USP10: variants seen among roughly 807,000 people sequenced by gnomAD.
The protein encoded by USP10 is ubiquitin specific peptidase 10.
Under a neutral mutation model 84.5 loss-of-function variants are expected in USP10, and 22 were observed. The observed-to-expected ratio is 0.26, with a 90% CI of 0.19 to 0.37. The LOEUF is 0.37. Ranked by LOEUF, USP10 falls within the 10% of genes least tolerant of loss-of-function variation. USP10 has a pLI of 1.00. For missense variants in USP10, 1,019 were observed against 998.9 expected, an observed-to-expected ratio of 1.02 and a Z score of -0.27; for synonymous variants, 454 against 387.6, an observed-to-expected ratio of 1.17 and a Z score of -2.01.
At chr16:84,721,153 A>G (rs954528522) in intron 1 of USP10, among the ~76,000 whole-genome samples, 18 of 152,150 alleles carry the variant, frequency 1.2e-4, no homozygotes, top group African/African-American at 3.9e-4. Context: ...GGGCCTCCCA[A>G]AGTGCTGGGA....
At chr16:84,704,463 C>G (rs372650362) in intron 1 of USP10, among the ~76,000 whole-genome samples, 18 of 152,360 alleles carry the variant, frequency 1.2e-4, no homozygotes, top group African/African-American at 4.3e-4. Context: ...TTTAGTGCCA[C>G]TTCAGCAGTG....
At chr16:84,774,682 G>A (rs1490835013) in intron 12 of USP10, among the ~76,000 whole-genome samples, 2 of 152,086 alleles carry the variant, frequency 1.3e-5, no homozygotes. Context: ...GTATTAGCCA[G>A]GATGGTCTCG....
chr16:84,764,939 A>AATATATATATATATATAT (rs1555548056), intron 10 of USP10, among the ~76,000 whole-genome samples: 3 of 132,268 alleles, frequency 2.3e-5, no homozygotes, highest in East Asian at 4.9e-4. Flanking sequence ...GAGAAAAAAA[A>AATATATATATATATATAT]ATATATATAT....
chr16:84,727,900 A>C (rs772479585), intron 1 of USP10, among the ~76,000 whole-genome samples: 1 of 152,172 alleles, frequency 6.6e-6, no homozygotes, highest in Non-Finnish European at 1.5e-5. Context: ...CCATATTCTA[A>C]TTTTGGGAGT....
At chr16:84,775,910 A>C in intron 13 of USP10, among the ~76,000 whole-genome samples, 1 of 151,120 alleles carries the variant, frequency 6.6e-6, no homozygotes, top group Non-Finnish European at 1.5e-5. Flanking sequence ...CTGAGTCTTT[A>C]CCTCTTTGGA....
intron 3 of USP10, among the ~76,000 whole-genome samples, chr16:84,740,578 TG>T (rs1446235457): frequency 6.6e-6 from 1 of 152,238 alleles, no homozygotes; most frequent in Non-Finnish European, 1.5e-5. Flanking sequence ...GTGCCAGCCA[TG>T]TAAGATTTAG....
chr16:84,774,824 A>AT (rs1914826112), intron 12 of USP10, among the ~76,000 whole-genome samples: 2 of 151,946 alleles, frequency 1.3e-5, no homozygotes, highest in Non-Finnish European at 2.9e-5. Context: ...CTTGCCTTGG[A>AT]TTTTTCACAA....
At chr16:84,704,719 T>C (rs1905257853) in intron 1 of USP10, 2 of 1,502,934 alleles carry the variant, frequency 1.3e-6, no homozygotes, top group Admixed American at 4.4e-5. Context: ...CTGAACTGGC[T>C]ATTTTCTGGC....
intron 11 of USP10, among the ~76,000 whole-genome samples, chr16:84,770,534 A>T (rs901229685): frequency 2.6e-5 from 4 of 152,180 alleles, no homozygotes; most frequent in Admixed American, 2.0e-4. Flanking sequence ...GCACTTTGGG[A>T]GGCCAAGGCG....
chr16:84,718,372 G>A (rs1054317415), intron 1 of USP10, among the ~76,000 whole-genome samples: 2 of 152,168 alleles, frequency 1.3e-5, no homozygotes, highest in African/African-American at 4.8e-5. Flanking sequence ...TCCCACCTCA[G>A]CCTCCTGAGG....
chr16:84,703,851 A>C (rs1905173599), intron 1 of USP10, among the ~76,000 whole-genome samples: 1 of 152,184 alleles, frequency 6.6e-6, no homozygotes, highest in South Asian at 2.1e-4. Context: ...AGCCCATCTC[A>C]TTGAGAGCAC....
chr16:84,761,901 A>C (rs1217039880), intron 8 of USP10, among the ~76,000 whole-genome samples: 1 of 152,270 alleles, frequency 6.6e-6, no homozygotes, highest in Non-Finnish European at 1.5e-5. Flanking sequence ...TGGCTGTGCC[A>C]GTTTTTGCCC....
chr16:84,700,246 G>C, intron 1 of USP10, 135 bp downstream of exon 1: 1 of 722,298 alleles, frequency 1.4e-6, no homozygotes, highest in South Asian at 6.4e-5. Context: ...ACGCTGCCCG[G>C]GCCTAGGCCG....
At position 84,768,173 on chromosome 16, in the gene USP10, T is replaced by C. The variant is rs1017633858; in HGVS notation, c.1833-20T>C. 4 of 1,559,040 alleles carry C rather than the reference T, an allele frequency of 2.6e-6. No homozygotes were observed. Among genetic ancestry groups the C allele is most frequent in the Non-Finnish European group, 3.5e-6 (4 of 1,150,408 alleles). On this transcript the variant is annotated intron_variant, in intron 10 of 13. Coordinates refer to ENST00000219473, the MANE Select transcript of USP10 (RefSeq NM_005153.3). ...AAGGAGTGGTCTCTTAATTTTTTTG[T>C]TTTTGCTTTCAATTCTTAGGTCTGT... is the stretch of plus-strand genomic sequence containing the variant.
At chr16:84,770,186 G>A (rs1055721854) in intron 11 of USP10, among the ~76,000 whole-genome samples, 5 of 152,192 alleles carry the variant, frequency 3.3e-5, no homozygotes, top group African/African-American at 1.2e-4. Context: ...GCTGCCAGCC[G>A]TTCTGGGTGC....
At chr16:84,759,194 A>T in intron 5 of USP10, 169 bp from the exon 6 acceptor site, 2 of 660,886 alleles carry the variant, frequency 3.0e-6, no homozygotes, top group South Asian at 1.8e-5. Flanking sequence ...ATCACAGGAC[A>T]CTTACCCTAG....
At chr16:84,738,159 G>C (rs4782652) in intron 2 of USP10, among the ~76,000 whole-genome samples, 108,040 of 151,978 alleles carry the variant, frequency 0.71, 39,586 homozygotes, top group East Asian at 0.95. Flanking sequence ...GCCTGCTGCA[G>C]TCTCTCGGGT....
intron 10 of USP10, among the ~76,000 whole-genome samples, chr16:84,765,476 C>CT (rs11395693): frequency 0.37 from 52,874 of 143,860 alleles, 10,233 homozygotes; most frequent in East Asian, 0.65. Context: ...GTAGTTTCGT[C>CT]TTTTTTTTTT....
At position 84,700,036 on chromosome 16, in the gene USP10, G is replaced by T; in HGVS notation, c.-55G>T. On this transcript the variant is annotated 5_prime_UTR_variant, in exon 1 of 14. Transcript: ENST00000219473. ...TGCGGGCGAGAAGATGGCGGCGGCG[G>T]GGGAAGCAGCGTGAGCAGCCGGAGG... 4 of 1,344,726 alleles carry T rather than the reference G, an allele frequency of 3.0e-6. No homozygotes were observed. The highest frequency in any genetic ancestry group is 1.6e-5 in the African/African-American group (1 of 64,398). 83.3% of individuals were successfully genotyped at this position (1,344,726 alleles called of 1,614,324 possible). A position where few individuals can be genotyped will look rare whatever the true frequency, so the allele number is the denominator to read the frequency against.
Sources: gnomAD v4.1 joint callset for allele counts (sites outside exome capture counted in the v4.1 genomes callset) on GRCh38, gnomAD v4.1.1 for gene constraint, MANE v1.5 for transcripts, NCBI Gene and HGNC (gene_info 2026-07-23, HGNC 2026-07-21) for gene names.